RIMS2: variants seen among roughly 807,000 people sequenced by gnomAD.
RIMS2 encodes regulating synaptic membrane exocytosis 2.
Under a neutral mutation model 174.4 loss-of-function variants are expected in RIMS2, and 59 were observed. The observed-to-expected ratio is 0.34, with a 90% CI of 0.27 to 0.42. The LOEUF (loss-of-function observed/expected upper bound fraction) is 0.42. RIMS2 is among the 10% of genes least tolerant of loss of function. The pLI is 1.00. For synonymous variants in RIMS2, 606 were observed against 572.5 expected (o/e 1.06, Z -0.84); for missense variants, 1,620 against 1,666.3 (o/e 0.97, Z 0.48).
chr8:103,872,049 T>C (rs909992236), intron 3 of RIMS2, among the ~76,000 whole-genome samples: 6 of 152,204 alleles, frequency 3.9e-5, no homozygotes, highest in African/African-American at 1.4e-4. Context: ...GATGTGCTGG[T>C]AAATATTTGA....
intron 2 of RIMS2, among the ~76,000 whole-genome samples, chr8:103,709,405 A>G (rs2097275424): frequency 1.5e-5 from 2 of 129,290 alleles, no homozygotes. Context: ...GGTGTTGTAT[A>G]TTTTACTTTG....
chr8:103,957,428 A>G (rs1399579922), intron 14 of RIMS2, among the ~76,000 whole-genome samples: 1 of 152,250 alleles, frequency 6.6e-6, no homozygotes, highest in African/African-American at 2.4e-5. Context: ...CTATGCAGCC[A>G]TAAAAAGGAT....
At chr8:103,923,731 T>C (rs996908096) in intron 10 of RIMS2, among the ~76,000 whole-genome samples, 3 of 151,776 alleles carry the variant, frequency 2.0e-5, no homozygotes, top group Admixed American at 6.6e-5. Flanking sequence ...TTCACACATA[T>C]ACCCATACCC....
intron 1 of RIMS2, among the ~76,000 whole-genome samples, chr8:103,565,576 C>T (rs1333398333): frequency 2.0e-5 from 3 of 152,122 alleles, no homozygotes; most frequent in Non-Finnish European, 2.9e-5. Context: ...AAAGTGCTGG[C>T]ATTACACCGC....
chr8:103,656,037 C>G (rs941348764), intron 1 of RIMS2, among the ~76,000 whole-genome samples: 1 of 152,014 alleles, frequency 6.6e-6, no homozygotes, highest in East Asian at 1.9e-4. Context: ...TAGTGATAAC[C>G]TGGACCACAC....
intron 14 of RIMS2, among the ~76,000 whole-genome samples, chr8:103,950,966 C>CA (rs1330467850): frequency 6.6e-6 from 1 of 152,092 alleles, no homozygotes; most frequent in Non-Finnish European, 1.5e-5. Context: ...TATGTACCAG[C>CA]AATAAACAAT....
intron 4 of RIMS2, among the ~76,000 whole-genome samples, chr8:103,892,379 T>C (rs899079404): frequency 6.6e-6 from 1 of 151,780 alleles, no homozygotes. Flanking sequence ...ATTTTTTTTA[T>C]TTTTATTAGA....
exon 6 of RIMS2, chr8:103,912,109 A>G: frequency 6.2e-7 from 1 of 1,607,606 alleles, no homozygotes; most frequent in Non-Finnish European, 8.5e-7. Flanking sequence ...GTCGCATTTT[A>G]TTAAATAAGC....
At chr8:103,849,479 C>T (rs1228383886) in intron 3 of RIMS2, among the ~76,000 whole-genome samples, 2 of 151,998 alleles carry the variant, frequency 1.3e-5, no homozygotes, top group Admixed American at 6.6e-5. Flanking sequence ...GGCTAATCCT[C>T]GCTGTGTGTT....
chr8:103,603,069 C>G (rs1241858960), intron 1 of RIMS2, among the ~76,000 whole-genome samples: 1 of 151,542 alleles, frequency 6.6e-6, no homozygotes, highest in East Asian at 1.9e-4. Flanking sequence ...CATATGTATA[C>G]ATGTGCCATG....
chr8:103,597,155 A>G (rs2094509267), intron 1 of RIMS2, among the ~76,000 whole-genome samples: 1 of 152,188 alleles, frequency 6.6e-6, no homozygotes, highest in Non-Finnish European at 1.5e-5. Context: ...AAAGAAGATC[A>G]AATTTATTGG....
At chr8:103,984,488 T>C (rs1242394769) in intron 16 of RIMS2, among the ~76,000 whole-genome samples, 2 of 152,108 alleles carry the variant, frequency 1.3e-5, no homozygotes, top group African/African-American at 4.8e-5. Context: ...GAAATGCAAA[T>C]CAAAACTACA....
At chr8:103,767,053 T>A (rs1423780946) in intron 3 of RIMS2, among the ~76,000 whole-genome samples, 1 of 152,210 alleles carries the variant, frequency 6.6e-6, no homozygotes, top group Non-Finnish European at 1.5e-5. Context: ...ATGTGCTAAC[T>A]CTGTTGTAAC....
intron 2 of RIMS2, among the ~76,000 whole-genome samples, chr8:103,747,075 C>T (rs1240669188): frequency 2.7e-5 from 4 of 148,532 alleles, no homozygotes; most frequent in African/African-American, 7.4e-5. Context: ...GATCTTCTTT[C>T]TTTTTTTTTT....
chr8:104,161,819 T>C (rs942883479), intron 19 of RIMS2, among the ~76,000 whole-genome samples: 6 of 152,220 alleles, frequency 3.9e-5, no homozygotes, highest in African/African-American at 1.4e-4. Context: ...CCAAGGTCAT[T>C]CAGTTGTTGG....
chr8:104,135,214 T>G (rs776563316), intron 19 of RIMS2, among the ~76,000 whole-genome samples: 5 of 152,136 alleles, frequency 3.3e-5, no homozygotes, highest in Admixed American at 1.3e-4. Context: ...CCTTATTGTA[T>G]GAGTGGGGAG....
At position 103,513,682 on chromosome 8, in the gene RIMS2, G is replaced by A. The variant is rs117612264; in HGVS notation, c.176+12620G>A. 7.0e-3 allele frequency among the ~76,000 whole-genome samples: 1,063 copies of A among 152,234 alleles called. 39 individuals carry two copies. Among genetic ancestry groups the A allele is most frequent in the Admixed American group, 0.057 (873 of 15,294 alleles). On this transcript the variant is annotated intron_variant, in intron 1 of 23. Coordinates refer to ENST00000504942, the Ensembl canonical transcript of RIMS2. ...GTGGTTAAGGAAGTATGGGTGTGTGGTATCTTTATCATAGGAGTAAAGTGA... is the reference window on the plus strand; with the variant it reads ...GTGGTTAAGGAAGTATGGGTGTGTGATATCTTTATCATAGGAGTAAAGTGA...
intron 19 of RIMS2, among the ~76,000 whole-genome samples, chr8:104,167,652 T>C (rs1339500004): frequency 6.6e-6 from 1 of 152,192 alleles, no homozygotes; most frequent in African/African-American, 2.4e-5. Context: ...ATTATTTCTT[T>C]TGCTATACAG....
intron 19 of RIMS2, among the ~76,000 whole-genome samples, chr8:104,196,466 C>T (rs1209581846): frequency 6.6e-6 from 1 of 152,032 alleles, no homozygotes; most frequent in African/African-American, 2.4e-5. Flanking sequence ...TTACTAGTAG[C>T]TTTAATTACA....
Sources: gnomAD v4.1 joint callset for allele counts (sites outside exome capture counted in the v4.1 genomes callset) on GRCh38, gnomAD v4.1.1 for gene constraint, MANE v1.5 for transcripts, NCBI Gene and HGNC (gene_info 2026-07-23, HGNC 2026-07-21) for gene names.